Variants in ANO10 observed in about 807,000 individuals in gnomAD.
The protein encoded by ANO10 is anoctamin 10, also known as anoctamin-10.
In ANO10, 77 loss-of-function variants were observed where a neutral mutation model predicts 74.7. The observed-to-expected ratio is 1.03, with a 90% CI of 0.86 to 1.25. ANO10 has a LOEUF of 1.25. ANO10 is among the 50% of genes most tolerant of loss of function. The pLI is 0.00. For missense variants in ANO10, 721 were observed against 778.1 expected (o/e 0.93, Z 0.87); for synonymous variants, 279 against 284.9 (o/e 0.98, Z 0.21).
At chr3:43,671,913 C>A (rs1205492454) in intron 1 of ANO10, among the ~76,000 whole-genome samples, 2 of 152,060 alleles carry the variant, frequency 1.3e-5, no homozygotes, top group Non-Finnish European at 2.9e-5. Flanking sequence ...TTTCAAAAGC[C>A]CTAAATTTAG....
chr3:43,652,299 G>GAT (rs1305964774), intron 1 of ANO10, among the ~76,000 whole-genome samples: 1 of 152,028 alleles, frequency 6.6e-6, no homozygotes, highest in Non-Finnish European at 1.5e-5. Flanking sequence ...CATAAGGATA[G>GAT]ATATATATTA....
intron 11 of ANO10, among the ~76,000 whole-genome samples, chr3:43,497,691 C>G (rs1306290156): frequency 1.3e-5 from 2 of 152,142 alleles, no homozygotes; most frequent in African/African-American, 4.8e-5. Flanking sequence ...ATGCCCTCTG[C>G]CCTCCTACAG....
chr3:43,484,437 T>C (rs2076385655), intron 11 of ANO10, among the ~76,000 whole-genome samples: 1 of 152,202 alleles, frequency 6.6e-6, no homozygotes, highest in Non-Finnish European at 1.5e-5. Flanking sequence ...GCCACATTAA[T>C]GGAGATATCT....
intron 11 of ANO10, among the ~76,000 whole-genome samples, chr3:43,527,026 A>G (rs1325006770): frequency 4.1e-5 from 4 of 98,268 alleles, no homozygotes; most frequent in African/African-American, 1.4e-4. Context: ...GGTACATACA[A>G]TGGATGTAAA....
intron 11 of ANO10, among the ~76,000 whole-genome samples, chr3:43,462,247 G>C (rs1302321885): frequency 2.0e-5 from 3 of 152,094 alleles, no homozygotes; most frequent in African/African-American, 4.8e-5. Flanking sequence ...TTTGCTTTTC[G>C]AGAGAGAGGT....
intron 11 of ANO10, among the ~76,000 whole-genome samples, chr3:43,500,056 G>A (rs1386669059): frequency 1.3e-5 from 2 of 151,708 alleles, no homozygotes; most frequent in Non-Finnish European, 2.9e-5. Flanking sequence ...CATGTTGGCC[G>A]GGCTGCTCTT....
At chr3:43,469,284 G>A (rs1477176734) in intron 11 of ANO10, among the ~76,000 whole-genome samples, 1 of 151,680 alleles carries the variant, frequency 6.6e-6, no homozygotes, top group Non-Finnish European at 1.5e-5. Flanking sequence ...CTGACCTCGT[G>A]ATCCACCCAC....
At chr3:43,659,006 T>C (rs1299092929) in intron 1 of ANO10, among the ~76,000 whole-genome samples, 1 of 152,196 alleles carries the variant, frequency 6.6e-6, no homozygotes, top group African/African-American at 2.4e-5. Flanking sequence ...TCTGTATATG[T>C]ATTTTAATGG....
intron 1 of ANO10, among the ~76,000 whole-genome samples, chr3:43,611,033 TTGAGCTATCCTC>T (rs1553740121): frequency 6.6e-6 from 1 of 152,206 alleles, no homozygotes; most frequent in Non-Finnish European, 1.5e-5. Context: ...TGGCAGAAAT[TTGAGCTATCCTC>T]TGAAATCCAC....
At chr3:43,526,357 G>C (rs1259956631) in intron 11 of ANO10, among the ~76,000 whole-genome samples, 1 of 152,144 alleles carries the variant, frequency 6.6e-6, no homozygotes, top group African/African-American at 2.4e-5. Context: ...TGTAACACTA[G>C]AAACAGGGCC....
At chr3:43,576,446 C>A (rs2080998426) in intron 6 of ANO10, among the ~76,000 whole-genome samples, 1 of 152,144 alleles carries the variant, frequency 6.6e-6, no homozygotes, top group Non-Finnish European at 1.5e-5. Flanking sequence ...TGGTGAGATA[C>A]TGTGAATAAA....
rs545645727 is a variant in ANO10, at chr3:43,456,940, C to T, written c.1798-24213G>A. Reference sequence around the variant, plus strand: ...TTACTTGTAAATCTTGCTCCAGAGCCATCTATAATGTGCCATGACAATGCA... The same window carrying T: ...TTACTTGTAAATCTTGCTCCAGAGCTATCTATAATGTGCCATGACAATGCA... On this transcript the variant is annotated intron_variant, in intron 11 of 12. Coordinates refer to ENST00000292246, the MANE Select transcript of ANO10 (RefSeq NM_018075.5). 2.0e-5 allele frequency among the ~76,000 whole-genome samples: 3 copies of T among 152,278 alleles called. No homozygotes were observed. In the South Asian group the frequency reaches 6.2e-4, roughly 32 times the overall value.
At chr3:43,642,871 G>A (rs1159338958) in intron 1 of ANO10, among the ~76,000 whole-genome samples, 1 of 150,394 alleles carries the variant, frequency 6.6e-6, no homozygotes, top group East Asian at 1.9e-4. Context: ...GTTTTATGAT[G>A]CCTGGTCGCC....
chr3:43,634,453 G>A (rs967821993), intron 1 of ANO10, among the ~76,000 whole-genome samples: 3 of 152,006 alleles, frequency 2.0e-5, no homozygotes, highest in Admixed American at 6.6e-5. Context: ...AAATGTCCTG[G>A]ATATATATAC....
intron 4 of ANO10, among the ~76,000 whole-genome samples, chr3:43,583,426 T>C (rs1449542827): frequency 2.0e-5 from 3 of 152,210 alleles, no homozygotes; most frequent in Admixed American, 6.5e-5. Context: ...ATGGCTGTAA[T>C]AGCCATTGAA....
intron 12 of ANO10, among the ~76,000 whole-genome samples, chr3:43,409,863 G>A (rs1169578244): frequency 6.6e-6 from 1 of 152,156 alleles, no homozygotes; most frequent in African/African-American, 2.4e-5. Context: ...GTCTACGCAA[G>A]CGTTTTAAGG....
intron 7 of ANO10, 86 bp downstream of exon 7, chr3:43,574,723 A>G: frequency 9.4e-7 from 1 of 1,058,820 alleles, no homozygotes; most frequent in East Asian, 2.5e-5. Flanking sequence ...TTAGATTAGA[A>G]GCAACTCTTC....
At chr3:43,647,394 C>T (rs72622906) in intron 1 of ANO10, among the ~76,000 whole-genome samples, 7,724 of 151,868 alleles carry the variant, frequency 0.051, 301 homozygotes, top group South Asian at 0.12. Flanking sequence ...CTTAGATGTC[C>T]GAGGGCAGAA....
chr3:43,454,306 G>C (rs1336677973), intron 11 of ANO10, among the ~76,000 whole-genome samples: 1 of 152,208 alleles, frequency 6.6e-6, no homozygotes, highest in Non-Finnish European at 1.5e-5. Context: ...GGTTTCAAAA[G>C]TCATAGTGAG....
Sources: allele counts gnomAD v4.1 joint callset (sites outside exome capture counted in the v4.1 genomes callset), GRCh38; gene constraint gnomAD v4.1.1; transcripts MANE v1.5; gene names NCBI Gene and HGNC (gene_info 2026-07-23, HGNC 2026-07-21).